TAFA1: variants seen among roughly 807,000 people sequenced by gnomAD.
TAFA1 encodes chemokine-like protein TAFA-1.
In TAFA1, 4 loss-of-function variants were observed where a neutral mutation model predicts 18.5. The ratio of observed to expected loss-of-function variants is 0.22; its 90% CI spans 0.11 to 0.49. The LOEUF (loss-of-function observed/expected upper bound fraction) is 0.49. Ranked by LOEUF, TAFA1 falls within the 20% of genes least tolerant of loss-of-function variation. TAFA1 has a pLI of 0.98. For missense variants in TAFA1, 147 were observed against 169.0 expected, an observed-to-expected ratio of 0.87 and a Z score of 0.72; for synonymous variants, 56 against 55.2, an observed-to-expected ratio of 1.01 and a Z score of -0.06.
chr3:67,998,605 C>T, the TAFA1 span, among the ~76,000 whole-genome samples: 8 of 152,186 alleles, frequency 5.3e-5, no homozygotes, highest in African/African-American at 1.9e-4. Flanking sequence ...AATCCTTGCT[C>T]ATGTGAGAAA....
At chr3:68,452,472 G>C (rs986855052) in intron 3 of TAFA1, among the ~76,000 whole-genome samples, 15 of 142,600 alleles carry the variant, frequency 1.1e-4, no homozygotes, top group African/African-American at 4.0e-4. Context: ...GCAGTGAGCC[G>C]AGATCACGCC....
chr3:68,088,388 A>G (rs930630637), intron 2 of TAFA1, among the ~76,000 whole-genome samples: 2 of 152,174 alleles, frequency 1.3e-5, no homozygotes, highest in African/African-American at 4.8e-5. Context: ...AGGAAGGTGG[A>G]AACAGTGTGA....
chr3:68,414,324 C>G (rs1487539994), intron 2 of TAFA1, among the ~76,000 whole-genome samples: 1 of 151,996 alleles, frequency 6.6e-6, no homozygotes, highest in Non-Finnish European at 1.5e-5. Flanking sequence ...AACAAACAAA[C>G]AAAACAAATA....
chr3:68,386,459 T>G (rs1021228045), intron 2 of TAFA1, among the ~76,000 whole-genome samples: 1 of 152,146 alleles, frequency 6.6e-6, no homozygotes, highest in African/African-American at 2.4e-5. Flanking sequence ...AGCACATATT[T>G]GAAAAGTCCA....
chr3:68,189,216 T>C (rs985292648), intron 2 of TAFA1, among the ~76,000 whole-genome samples: 11 of 151,888 alleles, frequency 7.2e-5, no homozygotes. Flanking sequence ...AAGACTGATA[T>C]ATTAAGTGCA....
intron 2 of TAFA1, among the ~76,000 whole-genome samples, chr3:68,126,289 T>G (rs2065464238): frequency 6.6e-6 from 1 of 152,202 alleles, no homozygotes; most frequent in African/African-American, 2.4e-5. Context: ...AGCTGAATGA[T>G]GGAGTCCATG....
chr3:68,461,626 A>G (rs1213917973), intron 3 of TAFA1, among the ~76,000 whole-genome samples: 1 of 151,498 alleles, frequency 6.6e-6, no homozygotes, highest in African/African-American at 2.4e-5. Flanking sequence ...CAAGCCTACC[A>G]CAACATATCA....
chr3:68,346,071 C>T (rs533717905), intron 2 of TAFA1, among the ~76,000 whole-genome samples: 23 of 152,210 alleles, frequency 1.5e-4, no homozygotes, highest in African/African-American at 5.1e-4. Flanking sequence ...TCAGATTTGT[C>T]TAATTGAGAA....
intron 3 of TAFA1, among the ~76,000 whole-genome samples, chr3:68,450,152 A>C (rs999470998): frequency 2.6e-5 from 4 of 152,238 alleles, no homozygotes; most frequent in Non-Finnish European, 5.9e-5. Context: ...AATCCATTGG[A>C]GACAATATAA....
At chr3:68,260,986 C>A (rs573481942) in intron 2 of TAFA1, among the ~76,000 whole-genome samples, 1 of 152,038 alleles carries the variant, frequency 6.6e-6, no homozygotes, top group Non-Finnish European at 1.5e-5. Flanking sequence ...AACAGGCAAC[C>A]TACAGAATGG....
chr3:68,353,075 ATCTG>A (rs948450236), intron 2 of TAFA1, among the ~76,000 whole-genome samples: 1 of 152,126 alleles, frequency 6.6e-6, no homozygotes, highest in South Asian at 2.1e-4. Flanking sequence ...TGACTCCCTT[ATCTG>A]TCCTTAAATT....
chr3:68,082,129 C>G (rs1044836463), intron 2 of TAFA1, among the ~76,000 whole-genome samples: 10 of 152,220 alleles, frequency 6.6e-5, no homozygotes, highest in Admixed American at 5.2e-4. Flanking sequence ...CTCCCTGACC[C>G]CTTGCGCTTC....
chr3:68,224,407 A>C (rs2066770939), intron 2 of TAFA1, among the ~76,000 whole-genome samples: 1 of 152,116 alleles, frequency 6.6e-6, no homozygotes, highest in South Asian at 2.1e-4. Context: ...TCAATTAATA[A>C]ATTTTAATTC....
intron 2 of TAFA1, among the ~76,000 whole-genome samples, chr3:68,357,273 T>C (rs2069384203): frequency 6.6e-6 from 1 of 151,958 alleles, no homozygotes; most frequent in Non-Finnish European, 1.5e-5. Context: ...GAGTGGAACC[T>C]TGTCTATCTT....
At chr3:68,440,141 TC>T (rs2071347521) in intron 3 of TAFA1, among the ~76,000 whole-genome samples, 1 of 152,072 alleles carries the variant, frequency 6.6e-6, no homozygotes, top group South Asian at 2.1e-4. Flanking sequence ...GGCAGATCTT[TC>T]CTGCACTGTT....
At chr3:68,459,735 T>C (rs1478769862) in intron 3 of TAFA1, among the ~76,000 whole-genome samples, 2 of 152,162 alleles carry the variant, frequency 1.3e-5, no homozygotes, top group African/African-American at 4.8e-5. Flanking sequence ...TATTTACCCA[T>C]ATAAGACTTT....
At chr3:68,488,360 G>A (rs1314425113) in intron 3 of TAFA1, among the ~76,000 whole-genome samples, 1 of 152,198 alleles carries the variant, frequency 6.6e-6, no homozygotes, top group Non-Finnish European at 1.5e-5. Context: ...GCTGGCAGCT[G>A]ATTAGATGGT....
rs562595925 is a variant in TAFA1, at chr3:68,264,214, G to T, written c.119-153066G>T. ...GAACCCAGGAGGTGAAGTTTACAGT[G>T]AGCCAAGATCACACCACCGCACTCC... On this transcript the variant is annotated intron_variant, in intron 2 of 4. Coordinates refer to ENST00000478136, the MANE Select transcript of TAFA1 (RefSeq NM_213609.4). Among the ~76,000 whole-genome samples, 14 of 152,224 alleles carry T rather than the reference G, an allele frequency of 9.2e-5. No individual in the cohort carries two copies. In the South Asian group the frequency reaches 1.0e-3, roughly 11 times the overall value.
chr3:68,220,858 G>A (rs563643049), intron 2 of TAFA1, among the ~76,000 whole-genome samples: 2 of 150,560 alleles, frequency 1.3e-5, no homozygotes, highest in African/African-American at 4.9e-5. Context: ...GCATCCCTCG[G>A]TGCATGGTTC....
Sources: gnomAD v4.1 joint callset for allele counts (sites outside exome capture counted in the v4.1 genomes callset) on GRCh38, gnomAD v4.1.1 for gene constraint, MANE v1.5 for transcripts, NCBI Gene and HGNC (gene_info 2026-07-23, HGNC 2026-07-21) for gene names.